The following GPC6 variants were observed in gnomAD, a reference collection of about 807,000 sequenced individuals.
The protein encoded by GPC6 is glypican 6.
In GPC6, 14 loss-of-function variants were observed where a neutral mutation model predicts 55.2. The observed-to-expected ratio is 0.25, with a 90% CI of 0.17 to 0.40. GPC6 has a LOEUF of 0.40. Among genes scored for constraint, GPC6 ranks in the 10% least tolerant of loss-of-function variants. The pLI, the probability that GPC6 is intolerant of heterozygous loss-of-function variation, is 1.00. For missense variants in GPC6, 641 were observed against 708.5 expected, an observed-to-expected ratio of 0.90 and a Z score of 1.08; for synonymous variants, 278 against 259.6, an observed-to-expected ratio of 1.07 and a Z score of -0.68.
intron 2 of GPC6, among the ~76,000 whole-genome samples, chr13:93,769,731 GCAGAAGTTGGCTTGCACA>G (rs1177263237): frequency 4.6e-5 from 7 of 152,182 alleles, no homozygotes; most frequent in Non-Finnish European, 1.0e-4. Flanking sequence ...TAAGTGGAAG[GCAGAAGTTGGCTTGCACA>G]CACAACCTCT....
At chr13:93,972,394 A>T (rs1184803247) in intron 3 of GPC6, among the ~76,000 whole-genome samples, 1 of 152,166 alleles carries the variant, frequency 6.6e-6, no homozygotes, top group Non-Finnish European at 1.5e-5. Context: ...GATGCTATGT[A>T]TGTCCCTAGA....
Position 93,783,765 on chromosome 13 carries a change from C to T in GPC6, c.320-46389C>T, listed in dbSNP as rs571797749. 2.6e-5 allele frequency among the ~76,000 whole-genome samples: 4 copies of T among 152,308 alleles called. No individual in the cohort carries two copies. In the South Asian group the frequency reaches 6.2e-4, roughly 24 times the overall value. ...ATCATGCAGCCTACACTGCAGTCTA[C>T]GTACTTCTCTCCCAACCTACTGAAC... On this transcript the variant is annotated intron_variant, in intron 2 of 8. Coordinates refer to ENST00000377047, the MANE Select transcript of GPC6 (RefSeq NM_005708.5).
intron 4 of GPC6, among the ~76,000 whole-genome samples, chr13:94,135,210 G>A (rs1246489969): frequency 6.7e-6 from 1 of 150,148 alleles, no homozygotes; most frequent in Non-Finnish European, 1.5e-5. Context: ...TGGGCTACCG[G>A]AGCTGTATTA....
chr13:93,383,663 A>C (rs1374377359), intron 1 of GPC6, among the ~76,000 whole-genome samples: 1 of 152,116 alleles, frequency 6.6e-6, no homozygotes, highest in East Asian at 1.9e-4. Flanking sequence ...TGGGAAACTG[A>C]ATTTCCCCTA....
chr13:93,979,355 ATT>A (rs535318611), intron 3 of GPC6, among the ~76,000 whole-genome samples: 2,688 of 116,044 alleles, frequency 0.023, 99 homozygotes, highest in African/African-American at 0.079. Context: ...GTTTTTTTTA[ATT>A]TTTTTTTTAT....
At chr13:94,114,579 G>T (rs1253850762) in intron 4 of GPC6, among the ~76,000 whole-genome samples, 1 of 152,100 alleles carries the variant, frequency 6.6e-6, no homozygotes, top group Non-Finnish European at 1.5e-5. Context: ...TGTAGGATAG[G>T]TTAGGATAGT....
At chr13:94,097,736 G>T (rs1257090114) in intron 4 of GPC6, among the ~76,000 whole-genome samples, 2 of 152,042 alleles carry the variant, frequency 1.3e-5, no homozygotes, top group Non-Finnish European at 2.9e-5. Flanking sequence ...TAGGGATTTG[G>T]TTATAAATCA....
intron 4 of GPC6, among the ~76,000 whole-genome samples, chr13:94,182,362 T>G (rs1889027777): frequency 6.6e-6 from 1 of 152,168 alleles, no homozygotes; most frequent in Non-Finnish European, 1.5e-5. Flanking sequence ...AGAGGTCAGG[T>G]GATTCCAGGT....
chr13:94,257,233 T>TG (rs374294552), intron 4 of GPC6, among the ~76,000 whole-genome samples: 22 of 152,258 alleles, frequency 1.4e-4, no homozygotes, highest in Middle Eastern at 3.4e-3. Flanking sequence ...ACACATAACA[T>TG]GGGAGATCAC....
intron 1 of GPC6, among the ~76,000 whole-genome samples, chr13:93,471,860 C>G (rs978694477): frequency 6.6e-6 from 1 of 152,132 alleles, no homozygotes; most frequent in African/African-American, 2.4e-5. Context: ...TGTTGTTGGG[C>G]AGAGTAACCT....
At chr13:93,653,116 T>A (rs532834022) in intron 2 of GPC6, among the ~76,000 whole-genome samples, 2 of 152,260 alleles carry the variant, frequency 1.3e-5, no homozygotes, top group East Asian at 3.9e-4. Context: ...ACCAGACACT[T>A]TGTTTAGGCA....
At chr13:93,242,647 C>T (rs1227665937) in intron 1 of GPC6, among the ~76,000 whole-genome samples, 1 of 152,166 alleles carries the variant, frequency 6.6e-6, no homozygotes, top group African/African-American at 2.4e-5. Flanking sequence ...GTAGTCTTCC[C>T]ACTCAGCTGA....
intron 2 of GPC6, among the ~76,000 whole-genome samples, chr13:93,635,860 C>T (rs1879668761): frequency 6.6e-6 from 1 of 152,144 alleles, no homozygotes; most frequent in Non-Finnish European, 1.5e-5. Context: ...CTAACAGAGC[C>T]TGCGGTTTGT....
At chr13:93,308,210 G>T (rs556959958) in intron 1 of GPC6, among the ~76,000 whole-genome samples, 1 of 152,018 alleles carries the variant, frequency 6.6e-6, no homozygotes, top group Non-Finnish European at 1.5e-5. Context: ...GCATGAACCC[G>T]GGAGGCAGAG....
chr13:93,541,940 T>C (rs1171402975), intron 1 of GPC6, among the ~76,000 whole-genome samples: 3 of 152,124 alleles, frequency 2.0e-5, no homozygotes, highest in Non-Finnish European at 4.4e-5. Context: ...GTCAGATGAG[T>C]AGGTTGCGAA....
chr13:93,423,052 CCA>C (rs1491472506), intron 1 of GPC6, among the ~76,000 whole-genome samples: 18,771 of 149,158 alleles, frequency 0.13, 1,535 homozygotes, highest in East Asian at 0.28. Context: ...TGGTCACACC[CCA>C]CCAGCTCCCC....
At chr13:93,410,388 T>TTG (rs768880000) in intron 1 of GPC6, among the ~76,000 whole-genome samples, 4 of 152,182 alleles carry the variant, frequency 2.6e-5, no homozygotes, top group Non-Finnish European at 5.9e-5. Flanking sequence ...ATATATCAAG[T>TTG]TGAAGAGCAG....
intron 2 of GPC6, among the ~76,000 whole-genome samples, chr13:93,547,996 A>G (rs1265502654): frequency 6.6e-6 from 1 of 152,122 alleles, no homozygotes; most frequent in Non-Finnish European, 1.5e-5. Flanking sequence ...TTCCTCCCAA[A>G]TACTCTCTCA....
At chr13:93,643,086 G>T (rs2139588760) in intron 2 of GPC6, among the ~76,000 whole-genome samples, 1 of 152,212 alleles carries the variant, frequency 6.6e-6, no homozygotes, top group Non-Finnish European at 1.5e-5. Flanking sequence ...AATGAATATT[G>T]TATTTGTGAT....
Sources: allele counts gnomAD v4.1 joint callset (sites outside exome capture counted in the v4.1 genomes callset), GRCh38; gene constraint gnomAD v4.1.1; transcripts MANE v1.5; gene names NCBI Gene and HGNC (gene_info 2026-07-23, HGNC 2026-07-21).